RNF150: variants seen among roughly 807,000 people sequenced by gnomAD.
RNF150 encodes ring finger protein 150.
A neutral mutation model predicts 39.3 loss-of-function variants in RNF150; 24 were observed. That is an observed-to-expected ratio of 0.61 (90% CI 0.44 to 0.86). The LOEUF is 0.86. RNF150 is among the 40% of genes least tolerant of loss of function. RNF150 has a pLI of 0.00. For synonymous variants in RNF150, 255 were observed against 227.3 expected (o/e 1.12, Z -1.10); for missense variants, 502 against 587.8 (o/e 0.85, Z 1.51).
chr4:141,168,294 A>C (rs1727636531), intron 1 of RNF150, among the ~76,000 whole-genome samples: 1 of 152,188 alleles, frequency 6.6e-6, no homozygotes, highest in Non-Finnish European at 1.5e-5. Flanking sequence ...GTCAGAAAAC[A>C]ACATATGTTG....
chr4:141,096,190 CTTTTTTTT>C (rs780868429), intron 1 of RNF150, among the ~76,000 whole-genome samples: 2 of 67,970 alleles, frequency 2.9e-5, no homozygotes, highest in African/African-American at 1.4e-4. Context: ...TTTTAGCTTT[CTTTTTTTT>C]TTTTTTTTTT....
intron 1 of RNF150, among the ~76,000 whole-genome samples, chr4:140,994,396 G>C (rs1398878355): frequency 1.3e-5 from 2 of 152,188 alleles, no homozygotes; most frequent in Admixed American, 6.5e-5. Context: ...CAGGTTGAAG[G>C]TGATAGTAAA....
intron 1 of RNF150, among the ~76,000 whole-genome samples, chr4:141,086,027 TACACACACACACACAC>T (rs10527153): frequency 1.1e-4 from 16 of 140,114 alleles, no homozygotes; most frequent in African/African-American, 2.7e-4. Flanking sequence ...TGAGAAGAGT[TACACACACACACACAC>T]ACACACACAC....
intron 6 of RNF150, among the ~76,000 whole-genome samples, chr4:140,870,980 TTCTCTCTC>T (rs146835294): frequency 4.0e-5 from 6 of 148,926 alleles, no homozygotes; most frequent in African/African-American, 1.2e-4. Flanking sequence ...ACAATAAGAA[TTCTCTCTC>T]TCTCTCTCTC....
At position 140,877,586 on chromosome 4, in the gene RNF150, A is replaced by G. The variant is rs116188430; in HGVS notation, c.1199-9207T>C. On this transcript the variant is annotated intron_variant, in intron 6 of 6. Transcript: ENST00000515673. The stretch of plus-strand genomic sequence containing the variant: ...TTCAACAGATGTTTATTGAACATGT[A>G]TTAGGTACACAGCACTGCTGATGAG... 1.6e-3 allele frequency among the ~76,000 whole-genome samples: 246 copies of G among 152,340 alleles called. 1 individual carries two copies. Among genetic ancestry groups the G allele is most frequent in the African/African-American group, 5.8e-3 (241 of 41,576 alleles).
chr4:141,163,740 A>G (rs543098790), intron 1 of RNF150, among the ~76,000 whole-genome samples: 139 of 152,364 alleles, frequency 9.1e-4, no homozygotes, highest in African/African-American at 3.2e-3. Context: ...AAACTAACAA[A>G]GAGAAAACAA....
chr4:141,157,412 C>T (rs1209224820), intron 1 of RNF150, among the ~76,000 whole-genome samples: 5 of 152,122 alleles, frequency 3.3e-5, no homozygotes, highest in Non-Finnish European at 7.3e-5. Context: ...GACTCAGCCA[C>T]CAGTGATTCA....
chr4:141,111,706 A>G (rs1230121510), intron 1 of RNF150, among the ~76,000 whole-genome samples: 1 of 152,234 alleles, frequency 6.6e-6, no homozygotes, highest in Non-Finnish European at 1.5e-5. Context: ...TCAAGGCTGT[A>G]GCAGTTTAAT....
intron 1 of RNF150, among the ~76,000 whole-genome samples, chr4:141,080,919 T>C (rs114928569): frequency 0.021 from 3,235 of 152,260 alleles, 122 homozygotes; most frequent in African/African-American, 0.072. Flanking sequence ...GTGGGCCGAA[T>C]GTGAGAAGTC....
intron 1 of RNF150, among the ~76,000 whole-genome samples, chr4:141,186,068 C>G (rs1365629322): frequency 1.3e-5 from 2 of 152,202 alleles, no homozygotes; most frequent in African/African-American, 2.4e-5. Context: ...GGAGGAATCC[C>G]TCTTTTTCTA....
intron 6 of RNF150, among the ~76,000 whole-genome samples, chr4:140,874,842 T>A (rs1578919416): frequency 6.6e-6 from 1 of 152,184 alleles, no homozygotes; most frequent in African/African-American, 2.4e-5. Flanking sequence ...TTATTTTTTT[T>A]AAAGTAGAAA....
intron 1 of RNF150, among the ~76,000 whole-genome samples, chr4:141,197,305 G>T (rs1237006654): frequency 6.6e-6 from 1 of 152,034 alleles, no homozygotes. Context: ...TACATGTTAG[G>T]TACATAATTA....
rs182422274 is a variant in RNF150 at position 141,059,167 on chromosome 4, T to C, written c.484+73158A>G. 3.1e-3 allele frequency among the ~76,000 whole-genome samples: 470 copies of C among 152,314 alleles called. 2 individuals carry two copies. The highest frequency in any genetic ancestry group is 0.014 in the Middle Eastern group (4 of 294). On this transcript the variant is annotated intron_variant, in intron 1 of 6. Coordinates refer to ENST00000515673, the MANE Select transcript of RNF150 (RefSeq NM_020724.2). ...CTCCAAAGATGGGCTCCAAAGTCTT[T>C]CCTACAGGACCCATTCCTTCTCAGC...
At chr4:141,130,362 C>G (rs2111106382) in intron 1 of RNF150, among the ~76,000 whole-genome samples, 1 of 152,262 alleles carries the variant, frequency 6.6e-6, no homozygotes, top group South Asian at 2.1e-4. Context: ...TTGGCAGATA[C>G]AGCATGAATA....
intron 1 of RNF150, among the ~76,000 whole-genome samples, chr4:141,071,509 G>A (rs1474279331): frequency 1.3e-5 from 2 of 151,966 alleles, no homozygotes. Context: ...AACAAGCAGG[G>A]AGGGATTGAG....
intron 1 of RNF150, among the ~76,000 whole-genome samples, chr4:141,142,102 C>T (rs1220179201): frequency 6.6e-6 from 1 of 151,766 alleles, no homozygotes; most frequent in Non-Finnish European, 1.5e-5. Context: ...TTATACCTTC[C>T]CTCCTGTCAT....
At chr4:140,970,142 A>G (rs1225011440) in intron 1 of RNF150, among the ~76,000 whole-genome samples, 1 of 152,168 alleles carries the variant, frequency 6.6e-6, no homozygotes, top group Admixed American at 6.6e-5. Context: ...AACTATTTAG[A>G]AACTATTTTC....
At chr4:141,042,009 C>T (rs975240105) in intron 1 of RNF150, among the ~76,000 whole-genome samples, 5 of 151,864 alleles carry the variant, frequency 3.3e-5, no homozygotes, top group African/African-American at 9.7e-5. Flanking sequence ...CTCACTGGGG[C>T]CAGTACTAGA....
chr4:140,944,900 G>C (rs551077455), intron 4 of RNF150: 1 of 152,120 alleles, frequency 6.6e-6, no homozygotes, highest in Non-Finnish European at 1.5e-5. Context: ...AAAAGCAAAC[G>C]CCAGTGCATT....
Sources: allele counts gnomAD v4.1 joint callset (sites outside exome capture counted in the v4.1 genomes callset), GRCh38; gene constraint gnomAD v4.1.1; transcripts MANE v1.5; gene names NCBI Gene and HGNC (gene_info 2026-07-23, HGNC 2026-07-21).